The following MPZL1 variants were observed in gnomAD, a reference collection of about 807,000 sequenced individuals.
MPZL1 encodes the protein myelin protein zero like 1, also known as myelin protein zero-like protein 1.
MPZL1 carries 16 observed loss-of-function variants against 29.3 expected under a neutral mutation model. That is an observed-to-expected ratio of 0.55 (90% CI 0.37 to 0.83). The LOEUF (loss-of-function observed/expected upper bound fraction) is 0.83. Among genes scored for constraint, MPZL1 ranks in the 40% least tolerant of loss-of-function variants. The probability of loss-of-function intolerance (pLI) is 0.00; values close to 1 mark genes in which losing one functional copy is unlikely to be tolerated. For synonymous variants in MPZL1, 143 were observed against 132.0 expected (o/e 1.08, Z -0.57); for missense variants, 279 against 332.9 (o/e 0.84, Z 1.26).
chr1:167,777,030 G>A (rs183434034), intron 5 of MPZL1, among the ~76,000 whole-genome samples: 5 of 152,332 alleles, frequency 3.3e-5, no homozygotes, highest in Admixed American at 6.5e-5. Flanking sequence ...CCCAGTTAGT[G>A]ACAGAACTGG....
chr1:167,744,931 C>T (rs562133204), intron 1 of MPZL1, among the ~76,000 whole-genome samples: 1 of 152,156 alleles, frequency 6.6e-6, no homozygotes, highest in Non-Finnish European at 1.5e-5. Context: ...CTTCTCCCCC[C>T]ACTGCAAAAT....
intron 5 of MPZL1, among the ~76,000 whole-genome samples, chr1:167,783,546 G>A (rs1394190108): frequency 6.6e-6 from 1 of 152,186 alleles, no homozygotes. Flanking sequence ...AGCATAGACA[G>A]GGTAATGTTT....
intron 1 of MPZL1, among the ~76,000 whole-genome samples, chr1:167,740,374 C>T (rs185855700): frequency 6.6e-6 from 1 of 152,198 alleles, no homozygotes; most frequent in Non-Finnish European, 1.5e-5. Context: ...TCCATTGAAA[C>T]TTCTCCTATC....
chr1:167,781,763 G>C (rs1344266801), intron 5 of MPZL1, among the ~76,000 whole-genome samples: 1 of 152,062 alleles, frequency 6.6e-6, no homozygotes, highest in Non-Finnish European at 1.5e-5. Context: ...TTTCCCTGTA[G>C]GTAATCTGTC....
chr1:167,781,646 G>A (rs939733302), intron 5 of MPZL1, among the ~76,000 whole-genome samples: 1 of 152,078 alleles, frequency 6.6e-6, no homozygotes, highest in Non-Finnish European at 1.5e-5. Context: ...GATGATCTAG[G>A]CTTCTGTCTG....
At chr1:167,760,897 G>T (rs1209845822) in intron 1 of MPZL1, among the ~76,000 whole-genome samples, 1 of 151,776 alleles carries the variant, frequency 6.6e-6, no homozygotes, top group Non-Finnish European at 1.5e-5. Context: ...TCATATAGAG[G>T]TCAGGAGAAC....
intron 1 of MPZL1, among the ~76,000 whole-genome samples, chr1:167,746,565 G>A (rs1660651395): frequency 6.6e-6 from 1 of 150,832 alleles, no homozygotes; most frequent in Admixed American, 6.6e-5. Flanking sequence ...GAATCAGATG[G>A]AAGGGAGAAC....
At chr1:167,767,815 T>C (rs1056652999) in intron 2 of MPZL1, among the ~76,000 whole-genome samples, 10 of 143,598 alleles carry the variant, frequency 7.0e-5, no homozygotes, top group African/African-American at 2.5e-4. Flanking sequence ...TTTTTTTTTT[T>C]AGGTTAATTG....
intron 1 of MPZL1, among the ~76,000 whole-genome samples, chr1:167,758,526 A>G (rs1400265185): frequency 1.3e-5 from 2 of 150,750 alleles, no homozygotes; most frequent in Non-Finnish European, 3.0e-5. Flanking sequence ...TTTGTTTTCT[A>G]TCTTTGCTTT....
intron 1 of MPZL1, among the ~76,000 whole-genome samples, chr1:167,727,760 T>G (rs981235166): frequency 6.6e-6 from 1 of 152,218 alleles, no homozygotes; most frequent in Non-Finnish European, 1.5e-5. Context: ...AGAGGTCAGT[T>G]GGCTCCGTTC....
intron 1 of MPZL1, among the ~76,000 whole-genome samples, chr1:167,758,025 G>A (rs6689497): frequency 6.2e-4 from 94 of 152,036 alleles, no homozygotes; most frequent in African/African-American, 2.0e-3. Context: ...ATGGTGGCAC[G>A]CCCCTGTGGT....
At chr1:167,726,290 T>G (rs1275236553) in intron 1 of MPZL1, among the ~76,000 whole-genome samples, 8 of 152,204 alleles carry the variant, frequency 5.3e-5, no homozygotes, top group African/African-American at 1.9e-4. Context: ...CTGACCACCT[T>G]ATTCTAGGGT....
chr1:167,726,538 A>C (rs1025910079), intron 1 of MPZL1, among the ~76,000 whole-genome samples: 3 of 152,200 alleles, frequency 2.0e-5, no homozygotes, highest in African/African-American at 4.8e-5. Flanking sequence ...TGCAATATGT[A>C]GTTATGATTT....
intron 1 of MPZL1, among the ~76,000 whole-genome samples, chr1:167,748,796 G>T (rs1257232484): frequency 6.6e-6 from 1 of 152,022 alleles, no homozygotes; most frequent in African/African-American, 2.4e-5. Flanking sequence ...TTTTGTATAT[G>T]ATGTGCTTTA....
chr1:167,778,861 C>T (rs149407780), intron 5 of MPZL1, among the ~76,000 whole-genome samples: 1 of 151,836 alleles, frequency 6.6e-6, no homozygotes, highest in East Asian at 1.9e-4. Context: ...AACTTGAAGA[C>T]ATAGCAATAG....
intron 4 of MPZL1, among the ~76,000 whole-genome samples, chr1:167,774,157 C>T (rs569274487): frequency 1.2e-3 from 176 of 152,292 alleles, no homozygotes; most frequent in Middle Eastern, 6.8e-3. Context: ...AGATGGAACA[C>T]GTTTAAGCAT....
intron 2 of MPZL1, among the ~76,000 whole-genome samples, chr1:167,771,284 A>T (rs1015565202): frequency 6.6e-6 from 1 of 152,198 alleles, no homozygotes; most frequent in Admixed American, 6.5e-5. Context: ...GACACAGCAC[A>T]TGTTTCAGAG....
chr1:167,755,121 T>C (rs1660840471), intron 1 of MPZL1, among the ~76,000 whole-genome samples: 2 of 152,246 alleles, frequency 1.3e-5, no homozygotes, highest in Admixed American at 1.3e-4. Flanking sequence ...TCTATTATTA[T>C]AATATCATAT....
intron 1 of MPZL1, among the ~76,000 whole-genome samples, chr1:167,735,131 G>C (rs1339651711): frequency 6.6e-6 from 1 of 152,184 alleles, no homozygotes; most frequent in African/African-American, 2.4e-5. Context: ...GAATCCCTGA[G>C]CTCATCCATT....
Sources: allele counts gnomAD v4.1 joint callset (sites outside exome capture counted in the v4.1 genomes callset), GRCh38; gene constraint gnomAD v4.1.1; transcripts MANE v1.5; gene names NCBI Gene and HGNC (gene_info 2026-07-23, HGNC 2026-07-21).